Variants in TRPM3 observed in about 807,000 individuals in gnomAD.
The protein encoded by TRPM3 is long transient receptor potential channel 3.
Under a neutral mutation model 181.2 loss-of-function variants are expected in TRPM3, and 77 were observed. That is an observed-to-expected ratio of 0.42 (90% CI 0.35 to 0.51). TRPM3 has a LOEUF of 0.51. Among genes scored for constraint, TRPM3 ranks in the 20% least tolerant of loss-of-function variants. The pLI, the probability that TRPM3 is intolerant of heterozygous loss-of-function variation, is 0.01. For synonymous variants in TRPM3, 745 were observed against 796.4 expected (o/e 0.94, Z 1.09); for missense variants, 1,759 against 2,196.7 (o/e 0.80, Z 3.98).
intron 1 of TRPM3, among the ~76,000 whole-genome samples, chr9:71,281,085 A>G (rs1021311225): frequency 6.6e-6 from 1 of 152,198 alleles, no homozygotes; most frequent in Non-Finnish European, 1.5e-5. Flanking sequence ...TTCTTAATAA[A>G]TATTTGCTGA....
intron 1 of TRPM3, among the ~76,000 whole-genome samples, chr9:71,069,344 AT>A (rs1158733959): frequency 1.3e-5 from 2 of 151,638 alleles, no homozygotes; most frequent in Admixed American, 1.3e-4. Flanking sequence ...GCCTGGCTAA[AT>A]TTTTTGCATT....
At chr9:70,886,617 C>T (rs1170289496) in intron 1 of TRPM3, among the ~76,000 whole-genome samples, 2 of 152,114 alleles carry the variant, frequency 1.3e-5, no homozygotes, top group Admixed American at 1.3e-4. Flanking sequence ...GATGGCGATC[C>T]TCTGTGAGTG....
At chr9:70,578,027 G>T (rs1444653020) in intron 22 of TRPM3, among the ~76,000 whole-genome samples, 1 of 152,140 alleles carries the variant, frequency 6.6e-6, no homozygotes, top group Non-Finnish European at 1.5e-5. Flanking sequence ...TCATCCCTTT[G>T]CTTCAAGGCC....
At chr9:70,977,111 T>C (rs2097311136) in intron 1 of TRPM3, among the ~76,000 whole-genome samples, 1 of 152,102 alleles carries the variant, frequency 6.6e-6, no homozygotes, top group Admixed American at 6.5e-5. Context: ...GGGAAAGGGG[T>C]GCATCAGTCT....
At chr9:71,205,973 A>T (rs2079097851) in intron 1 of TRPM3, among the ~76,000 whole-genome samples, 1 of 152,210 alleles carries the variant, frequency 6.6e-6, no homozygotes, top group South Asian at 2.1e-4. Flanking sequence ...CTCTTTAAAA[A>T]TTTTAAAGGA....
intron 17 of TRPM3, among the ~76,000 whole-genome samples, chr9:70,618,595 G>A (rs751745892): frequency 2.2e-4 from 33 of 152,210 alleles, no homozygotes; most frequent in Admixed American, 2.0e-3. Context: ...GTACCTGTGC[G>A]TGGCCATCCC....
intron 1 of TRPM3, among the ~76,000 whole-genome samples, chr9:71,185,933 T>G (rs1301927733): frequency 6.6e-6 from 1 of 152,096 alleles, no homozygotes; most frequent in African/African-American, 2.4e-5. Flanking sequence ...ATGTATTGTC[T>G]CACAATATTG....
At chr9:71,383,271 T>C (rs1462887030) in intron 1 of TRPM3, among the ~76,000 whole-genome samples, 2 of 152,168 alleles carry the variant, frequency 1.3e-5, no homozygotes, top group African/African-American at 2.4e-5. Flanking sequence ...CGTTGAAATA[T>C]GTATCATTTC....
chr9:71,204,357 A>C (rs2078994497), intron 1 of TRPM3, among the ~76,000 whole-genome samples: 1 of 151,966 alleles, frequency 6.6e-6, no homozygotes, highest in South Asian at 2.1e-4. Context: ...AACTCAAACA[A>C]ATTTACAAGA....
At chr9:70,590,543 T>C (rs1387093312) in intron 22 of TRPM3, among the ~76,000 whole-genome samples, 1 of 152,210 alleles carries the variant, frequency 6.6e-6, no homozygotes, top group South Asian at 2.1e-4. Context: ...GGAGAATAGT[T>C]TCCAGTGCAA....
At chr9:70,742,790 G>C (rs1210707116) in intron 8 of TRPM3, among the ~76,000 whole-genome samples, 2 of 152,100 alleles carry the variant, frequency 1.3e-5, no homozygotes, top group Admixed American at 1.3e-4. Context: ...GATGAAATCT[G>C]AGAGATAATA....
At chr9:71,392,728 A>T (rs2093091791) in intron 1 of TRPM3, among the ~76,000 whole-genome samples, 1 of 152,082 alleles carries the variant, frequency 6.6e-6, no homozygotes, top group African/African-American at 2.4e-5. Flanking sequence ...TGTGCACCTC[A>T]GTTTTCCTGC....
intron 1 of TRPM3, chr9:70,865,468 T>TAATGCAG (rs2095630680): frequency 6.6e-6 from 1 of 152,096 alleles, no homozygotes; most frequent in Non-Finnish European, 1.5e-5. Flanking sequence ...GGCATCATCT[T>TAATGCAG]CTCTCTAATG....
chr9:71,101,179 A>G (rs1418230511), intron 1 of TRPM3, among the ~76,000 whole-genome samples: 2 of 152,186 alleles, frequency 1.3e-5, no homozygotes, highest in Non-Finnish European at 2.9e-5. Flanking sequence ...ACAAATGAGC[A>G]TCAGTGATTT....
chr9:71,351,872 T>TTG (rs1232881888), intron 1 of TRPM3, among the ~76,000 whole-genome samples: 9 of 91,130 alleles, frequency 9.9e-5, no homozygotes, highest in East Asian at 3.2e-4. Context: ...GTTTGTTTGT[T>TTG]TTTGTTTTTT....
intron 1 of TRPM3, among the ~76,000 whole-genome samples, chr9:71,144,276 G>A (rs1279695133): frequency 2.0e-5 from 3 of 152,052 alleles, no homozygotes; most frequent in South Asian, 4.1e-4. Flanking sequence ...TACTTTTAAA[G>A]GGCCCATCTG....
chr9:71,116,658 G>A (rs1161821759), intron 1 of TRPM3, among the ~76,000 whole-genome samples: 3 of 151,918 alleles, frequency 2.0e-5, no homozygotes, highest in Non-Finnish European at 4.4e-5. Flanking sequence ...ATTCCCTTGT[G>A]TTACCTACTT....
chr9:71,418,710 T>C (rs112702909), intron 1 of TRPM3, among the ~76,000 whole-genome samples: 3,556 of 150,192 alleles, frequency 0.024, 63 homozygotes, highest in South Asian at 0.068. Flanking sequence ...CTTAAAAGGA[T>C]TCCTAAAAGG....
rs1478380018 is a variant in TRPM3, at chr9:71,046,650, A to AT, written c.177+74527dup. On this transcript the variant is annotated intron_variant, in intron 1 of 25. Coordinates refer to ENST00000677713, the MANE Select transcript of TRPM3 (RefSeq NM_001366145.2). Reference sequence around the variant, plus strand: ...CTTCCCTATTGTCACTTATTGAGATATTTTTTTCCTGGAGGAATCTTCTTA... The same window carrying AT: ...CTTCCCTATTGTCACTTATTGAGATATTTTTTTTCCTGGAGGAATCTTCTTA... 7.2e-5 allele frequency among the ~76,000 whole-genome samples: 11 copies of AT among 152,230 alleles called. No individual in the cohort carries two copies. The East Asian group carries it at 2.1e-3, about 29-fold the overall frequency.
Sources: allele counts gnomAD v4.1 joint callset (sites outside exome capture counted in the v4.1 genomes callset), GRCh38; gene constraint gnomAD v4.1.1; transcripts MANE v1.5; gene names NCBI Gene and HGNC (gene_info 2026-07-23, HGNC 2026-07-21).